Variants in GMDS observed in about 807,000 individuals in gnomAD.
The protein encoded by GMDS is GDP-mannose 4,6-dehydratase.
In GMDS, 20 loss-of-function variants were observed where a neutral mutation model predicts 49.9. That is an observed-to-expected ratio of 0.40 (90% CI 0.28 to 0.58). GMDS has a LOEUF of 0.58. Among genes scored for constraint, GMDS ranks in the 20% least tolerant of loss-of-function variants. GMDS has a pLI of 0.42. For missense variants in GMDS, 362 were observed against 481.4 expected (o/e 0.75, Z 2.32); for synonymous variants, 177 against 178.6 (o/e 0.99, Z 0.07).
At chr6:1,763,711 C>G (rs574099492) in intron 7 of GMDS, among the ~76,000 whole-genome samples, 5 of 152,312 alleles carry the variant, frequency 3.3e-5, no homozygotes, top group Admixed American at 1.3e-4. Context: ...AATGGGACAT[C>G]CCAGTCATCA....
chr6:1,660,041 C>A (rs186893720), intron 9 of GMDS, among the ~76,000 whole-genome samples: 1 of 152,036 alleles, frequency 6.6e-6, no homozygotes, highest in Non-Finnish European at 1.5e-5. Context: ...GCATGCGTCA[C>A]GTGGCTCCCC....
intron 6 of GMDS, among the ~76,000 whole-genome samples, chr6:1,944,531 G>A (rs1304329004): frequency 3.3e-5 from 5 of 151,682 alleles, no homozygotes; most frequent in African/African-American, 1.2e-4. Context: ...TTAGCCAGGC[G>A]TGGTGGCGGG....
At chr6:1,934,403 T>C (rs1403559670) in intron 6 of GMDS, among the ~76,000 whole-genome samples, 2 of 152,198 alleles carry the variant, frequency 1.3e-5, no homozygotes, top group Admixed American at 1.3e-4. Flanking sequence ...GCTTGTTGAT[T>C]TCTGCAAAAA....
intron 4 of GMDS, among the ~76,000 whole-genome samples, chr6:2,000,900 C>T (rs911140506): frequency 2.6e-5 from 4 of 152,118 alleles, no homozygotes; most frequent in Non-Finnish European, 5.9e-5. Context: ...ATTAACCAGC[C>T]GATGGACATT....
chr6:1,943,082 CCT>C (rs1762895042), intron 6 of GMDS, among the ~76,000 whole-genome samples: 1 of 152,202 alleles, frequency 6.6e-6, no homozygotes, highest in South Asian at 2.1e-4. Flanking sequence ...TCCTGTGTGC[CCT>C]GTCACCGGCC....
intron 1 of GMDS, among the ~76,000 whole-genome samples, chr6:2,243,843 C>CTTTTTTTTTTTTTTTTT (rs68171156): frequency 1.7e-5 from 1 of 58,150 alleles, no homozygotes; most frequent in African/African-American, 6.0e-5. Context: ...ACTTCTCCTT[C>CTTTTTTTTTTTTTTTTT]TTTTTTTTTT....
chr6:1,660,632 T>C (rs1448756774), intron 9 of GMDS, among the ~76,000 whole-genome samples: 5 of 150,928 alleles, frequency 3.3e-5, no homozygotes, highest in Non-Finnish European at 5.9e-5. Flanking sequence ...GGCAGTGTGA[T>C]GAAAGCTGCG....
At chr6:1,820,367 C>T (rs1295066970) in intron 7 of GMDS, among the ~76,000 whole-genome samples, 1 of 152,112 alleles carries the variant, frequency 6.6e-6, no homozygotes, top group Non-Finnish European at 1.5e-5. Context: ...AACAAAAATT[C>T]CAGGAAAATA....
At chr6:1,661,848 G>A (rs368117977) in intron 9 of GMDS, among the ~76,000 whole-genome samples, 8 of 152,318 alleles carry the variant, frequency 5.3e-5, no homozygotes, top group Admixed American at 2.0e-4. Context: ...GTGGACAGTC[G>A]GATGTCATTG....
rs1762838551 is a variant in GMDS at position 1,625,939 on chromosome 6, C to G, written c.988-1399G>C. On this transcript the variant is annotated intron_variant, in intron 9 of 10. Transcript: ENST00000380815. Reference sequence around the variant, plus strand: ...TTTCAGCTACATACAAATTAAAGAACAGCCTAAAAGGAGTTTCATCGTGTG... The same window carrying G: ...TTTCAGCTACATACAAATTAAAGAAGAGCCTAAAAGGAGTTTCATCGTGTG... 2.6e-5 allele frequency among the ~76,000 whole-genome samples: 4 copies of G among 152,226 alleles called. No homozygotes were observed. The East Asian group carries it at 5.8e-4, about 22-fold the overall frequency.
intron 2 of GMDS, among the ~76,000 whole-genome samples, chr6:2,122,197 C>T (rs1035030884): frequency 4.6e-5 from 7 of 152,172 alleles, no homozygotes; most frequent in African/African-American, 1.7e-4. Context: ...CAATCAATCA[C>T]CTGATCTCAT....
intron 4 of GMDS, among the ~76,000 whole-genome samples, chr6:2,016,066 CTA>C (rs1767874383): frequency 1.9e-5 from 1 of 52,364 alleles, no homozygotes; most frequent in South Asian, 6.7e-4. Flanking sequence ...AACCCTGTTT[CTA>C]AAAAAAAAAA....
At chr6:1,846,020 C>CT (rs1757391947) in intron 7 of GMDS, among the ~76,000 whole-genome samples, 1 of 151,556 alleles carries the variant, frequency 6.6e-6, no homozygotes, top group Non-Finnish European at 1.5e-5. Flanking sequence ...ACCAGGTGTC[C>CT]TGTGGTCTTT....
chr6:1,928,165 G>A (rs1051317751), intron 7 of GMDS, among the ~76,000 whole-genome samples: 2 of 152,098 alleles, frequency 1.3e-5, no homozygotes, highest in Non-Finnish European at 2.9e-5. Flanking sequence ...AACAGATGGA[G>A]ACCATCCTGG....
intron 4 of GMDS, among the ~76,000 whole-genome samples, chr6:1,978,514 C>T (rs1765044236): frequency 6.6e-6 from 1 of 152,202 alleles, no homozygotes; most frequent in Admixed American, 6.5e-5. Context: ...TTAAGCAGGA[C>T]TCCGTTATAC....
intron 4 of GMDS, among the ~76,000 whole-genome samples, chr6:2,061,007 C>T (rs1004145694): frequency 1.3e-5 from 2 of 150,544 alleles, no homozygotes; most frequent in Non-Finnish European, 3.0e-5. Context: ...GAGCAAGACT[C>T]CATCTAAAAA....
chr6:2,057,190 C>G (rs1401628711), intron 4 of GMDS, among the ~76,000 whole-genome samples: 1 of 152,290 alleles, frequency 6.6e-6, no homozygotes, highest in African/African-American at 2.4e-5. Flanking sequence ...CTCTCTCAAC[C>G]ACAGCACATG....
Position 1,652,653 on chromosome 6 carries a change from ATT to A in GMDS, c.988-28115_988-28114del, listed in dbSNP as rs1291116777. On this transcript the variant is annotated intron_variant, in intron 9 of 10. Transcript: ENST00000380815. ...ATATATAATATATATAATATATATT[ATT>A]TATATATAATATATATAATATATAT... Among the ~76,000 whole-genome samples, 70 of 9,504 alleles carry A rather than the reference ATT, an allele frequency of 7.4e-3. 16 individuals carry two copies. The highest frequency in any genetic ancestry group is 0.02 in the African/African-American group (57 of 2,884). The allele number at this position is 9,504 out of a possible 152,430, so 6.2% of individuals were successfully genotyped here.
chr6:1,735,227 T>C (rs1766962085), intron 8 of GMDS, among the ~76,000 whole-genome samples: 1 of 152,228 alleles, frequency 6.6e-6, no homozygotes, highest in South Asian at 2.1e-4. Flanking sequence ...CCTACACGAC[T>C]GTGTCTATCC....
Sources: gnomAD v4.1 joint callset for allele counts (sites outside exome capture counted in the v4.1 genomes callset) on GRCh38, gnomAD v4.1.1 for gene constraint, MANE v1.5 for transcripts, NCBI Gene and HGNC (gene_info 2026-07-23, HGNC 2026-07-21) for gene names.